Variants in FOXP1 observed in about 807,000 individuals in gnomAD.
FOXP1 encodes the protein forkhead box P1, also known as forkhead box protein P1.
Under a neutral mutation model 98.2 loss-of-function variants are expected in FOXP1, and 15 were observed. The observed-to-expected ratio is 0.15, with a 90% confidence interval of 0.10 to 0.24. The LOEUF (loss-of-function observed/expected upper bound fraction) is 0.24, where lower values mean the gene tolerates loss of function less well. FOXP1 is among the 10% of genes least tolerant of loss of function. FOXP1 has a pLI of 1.00. For missense variants in FOXP1, 633 were observed against 848.5 expected (o/e 0.75, Z 3.15); for synonymous variants, 371 against 314.5 (o/e 1.18, Z -1.90).
rs747314840 is a variant in FOXP1, at chr3:70,956,991, C to A, written c.*2256G>T. ...ATGCCAAGATAAACCAAAATTAATA[C>A]AGTGATCACAGCACAGTTCTTAAAC... On this transcript the variant is annotated 3_prime_UTR_variant, in exon 21 of 21. Transcript: ENST00000649528. 2 of 220,104 alleles carry A rather than the reference C, an allele frequency of 9.1e-6. No homozygotes were observed. The highest frequency in any genetic ancestry group is 1.8e-5 in the Non-Finnish European group (2 of 109,996). The allele number at this position is 220,104 out of a possible 1,614,324, so 13.6% of individuals were successfully genotyped here. A position where few individuals can be genotyped will look rare whatever the true frequency, so the allele number is the denominator to read the frequency against.
At chr3:71,487,907 T>A (rs1273679234) in intron 3 of FOXP1, among the ~76,000 whole-genome samples, 2 of 152,224 alleles carry the variant, frequency 1.3e-5, no homozygotes, top group African/African-American at 4.8e-5. Context: ...ATAAAACCTA[T>A]ATTCAATTTT....
At chr3:71,565,527 G>A (rs1401532456) in intron 2 of FOXP1, among the ~76,000 whole-genome samples, 3 of 152,062 alleles carry the variant, frequency 2.0e-5, no homozygotes, top group Non-Finnish European at 2.9e-5. Context: ...CTGGCCTAAT[G>A]GAAAAATCAA....
At chr3:71,098,305 T>A (rs1317268284) in intron 7 of FOXP1, among the ~76,000 whole-genome samples, 1 of 152,238 alleles carries the variant, frequency 6.6e-6, no homozygotes, top group African/African-American at 2.4e-5. Context: ...TTAGTCTCCT[T>A]TAATTTTCTA....
At chr3:71,359,668 A>G (rs2078413498) in intron 3 of FOXP1, among the ~76,000 whole-genome samples, 1 of 152,162 alleles carries the variant, frequency 6.6e-6, no homozygotes, top group Non-Finnish European at 1.5e-5. Context: ...AGTACCTTGA[A>G]CTATAGGTGT....
intron 2 of FOXP1, among the ~76,000 whole-genome samples, chr3:71,555,991 T>C (rs970938564): frequency 2.6e-5 from 4 of 151,576 alleles, no homozygotes; most frequent in African/African-American, 9.7e-5. Flanking sequence ...AGAAAATAAA[T>C]GGGATGGGTA....
intron 12 of FOXP1, among the ~76,000 whole-genome samples, chr3:71,010,253 G>A (rs1320491115): frequency 6.6e-6 from 1 of 152,022 alleles, no homozygotes; most frequent in African/African-American, 2.4e-5. Context: ...AAGAAGTGCT[G>A]CCTCTAACCA....
At chr3:71,565,508 A>G (rs2046842304) in intron 2 of FOXP1, among the ~76,000 whole-genome samples, 1 of 152,178 alleles carries the variant, frequency 6.6e-6, no homozygotes, top group Non-Finnish European at 1.5e-5. Context: ...TCAAGACGAC[A>G]CCTGCCTTCT....
At chr3:71,583,459 T>C (rs1483568989) in intron 1 of FOXP1, 112 bp downstream of exon 1, 1 of 979,448 alleles carries the variant, frequency 1.0e-6, no homozygotes, top group African/African-American at 1.8e-5. Flanking sequence ...CTCTTTTTCT[T>C]TCTTTCTTTT....
chr3:71,314,544 T>C (rs2074940951), intron 4 of FOXP1, among the ~76,000 whole-genome samples: 1 of 150,314 alleles, frequency 6.7e-6, no homozygotes, highest in Non-Finnish European at 1.5e-5. Flanking sequence ...TATATATATA[T>C]ATATATATCT....
intron 5 of FOXP1, among the ~76,000 whole-genome samples, chr3:71,271,793 G>A (rs984493265): frequency 2.0e-5 from 3 of 152,178 alleles, no homozygotes; most frequent in Non-Finnish European, 4.4e-5. Context: ...ACCTTACAGG[G>A]AGAAACTCAT....
At chr3:71,180,673 C>T (rs942159453) in intron 6 of FOXP1, among the ~76,000 whole-genome samples, 1 of 152,160 alleles carries the variant, frequency 6.6e-6, no homozygotes, top group African/African-American at 2.4e-5. Flanking sequence ...AATCCCCGCC[C>T]TCCACCCTTC....
chr3:70,962,081 T>C (rs530368792), intron 20 of FOXP1, among the ~76,000 whole-genome samples: 1 of 152,166 alleles, frequency 6.6e-6, no homozygotes, highest in Non-Finnish European at 1.5e-5. Flanking sequence ...TTAAGGCCAG[T>C]TTTCTTATTT....
chr3:71,549,839 A>G (rs935263075), intron 2 of FOXP1, among the ~76,000 whole-genome samples: 4 of 148,040 alleles, frequency 2.7e-5, no homozygotes, highest in South Asian at 4.4e-4. Flanking sequence ...ATTATATTAC[A>G]GAATACTCTA....
intron 3 of FOXP1, among the ~76,000 whole-genome samples, chr3:71,391,966 A>C (rs1195148659): frequency 6.6e-6 from 1 of 152,202 alleles, no homozygotes; most frequent in Non-Finnish European, 1.5e-5. Flanking sequence ...GCTGGATTCC[A>C]CACAGACGAA....
At chr3:71,516,176 C>T (rs1481923559) in intron 2 of FOXP1, among the ~76,000 whole-genome samples, 1 of 152,052 alleles carries the variant, frequency 6.6e-6, no homozygotes, top group African/African-American at 2.4e-5. Context: ...ACTGCAGTTA[C>T]GTAAAATAAC....
chr3:71,502,372 A>T (rs1041239705), intron 2 of FOXP1, among the ~76,000 whole-genome samples: 3 of 152,250 alleles, frequency 2.0e-5, no homozygotes, highest in Admixed American at 2.0e-4. Context: ...TGTGGTAAAC[A>T]TGTTTACTTT....
intron 11 of FOXP1, among the ~76,000 whole-genome samples, chr3:71,018,402 A>G (rs1040609485): frequency 6.6e-6 from 1 of 152,156 alleles, no homozygotes; most frequent in African/African-American, 2.4e-5. Context: ...TTAGTTAAAA[A>G]AATTTCTTTA....
intron 5 of FOXP1, among the ~76,000 whole-genome samples, chr3:71,257,546 T>C (rs1012959313): frequency 6.7e-6 from 1 of 148,862 alleles, no homozygotes; most frequent in Non-Finnish European, 1.5e-5. Flanking sequence ...GATCATGCCA[T>C]TGCATTCCAG....
At chr3:71,179,124 T>C (rs1012374730) in intron 6 of FOXP1, among the ~76,000 whole-genome samples, 1 of 146,424 alleles carries the variant, frequency 6.8e-6, no homozygotes, top group Non-Finnish European at 1.5e-5. Context: ...GGAAGTTTCC[T>C]CTTAACAATC....
Sources: gnomAD v4.1 joint callset for allele counts (sites outside exome capture counted in the v4.1 genomes callset) on GRCh38, gnomAD v4.1.1 for gene constraint, MANE v1.5 for transcripts, NCBI Gene and HGNC (gene_info 2026-07-23, HGNC 2026-07-21) for gene names.